FARP1: variants seen among roughly 807,000 people sequenced by gnomAD.
FARP1 encodes FERM, ARH/RhoGEF and pleckstrin domain protein 1.
Under a neutral mutation model 128.8 loss-of-function variants are expected in FARP1, and 52 were observed. The observed-to-expected ratio is 0.40, with a 90% CI of 0.32 to 0.51. The LOEUF (loss-of-function observed/expected upper bound fraction) is 0.51, where lower values mean the gene tolerates loss of function less well. FARP1 is among the 20% of genes least tolerant of loss of function. FARP1 has a pLI of 0.45. For synonymous variants in FARP1, 580 were observed against 551.8 expected, an observed-to-expected ratio of 1.05 and a Z score of -0.72; for missense variants, 1,333 against 1,367.9, an observed-to-expected ratio of 0.97 and a Z score of 0.40.
Position 98,453,060 on chromosome 13 carries a change from C to A in FARP1, c.*4743C>A. The A allele has an allele frequency of 2.4e-6, 3 of 1,268,022 alleles. No homozygotes were observed. Among genetic ancestry groups the A allele is most frequent in the Non-Finnish European group, 3.4e-6 (3 of 895,040 alleles). 78.5% of individuals were successfully genotyped at this position (1,268,022 alleles called of 1,614,324 possible). Reference sequence around the variant, plus strand: ...ACGGGCGCCTGGCGCTGGGGTGGCTCCCAGTGGCGCACCTCTTCGGTGGAG... The same window carrying A: ...ACGGGCGCCTGGCGCTGGGGTGGCTACCAGTGGCGCACCTCTTCGGTGGAG... On this transcript the variant is annotated 3_prime_UTR_variant, in exon 27 of 27. Transcript: ENST00000319562.
intron 3 of FARP1, among the ~76,000 whole-genome samples, chr13:98,351,079 C>G (rs1347333021): frequency 6.6e-6 from 1 of 150,538 alleles, no homozygotes; most frequent in East Asian, 1.9e-4. Context: ...CCTCGCCTCC[C>G]CACAGAAGCG....
At chr13:98,389,433 G>A (rs1890221535) in intron 9 of FARP1, 1 of 152,644 alleles carries the variant, frequency 6.6e-6, no homozygotes, top group African/African-American at 2.4e-5. Context: ...ATTTTTTTCA[G>A]CCAAGAGTGA....
chr13:98,176,192 A>C lies in FARP1; in HGVS notation c.-24+32700A>C, dbSNP rs751760297. The C allele has an allele frequency of 2.5e-6, 4 of 1,610,384 alleles. No individual in the cohort carries two copies. The African/African-American group carries it at 4.0e-5, about 16-fold the overall frequency. On this transcript the variant is annotated intron_variant, in intron 1 of 26. Coordinates refer to ENST00000319562, the MANE Select transcript of FARP1 (RefSeq NM_005766.4). The surrounding 1 kb of genome is among the most constrained non-coding windows in gnomAD (Gnocchi z 6.2). Reference sequence around the variant, plus strand: ...CTCTTTTTTCCTAAAAGAACAAAAAAATTTATTTAAATGTGAGAATTATGG... The same window carrying C: ...CTCTTTTTTCCTAAAAGAACAAAAACATTTATTTAAATGTGAGAATTATGG...
chr13:98,409,641 C>T (rs1891116128), intron 14 of FARP1, 116 bp downstream of exon 14: 1 of 891,184 alleles, frequency 1.1e-6, no homozygotes, highest in South Asian at 2.5e-5. Flanking sequence ...GAGCCATTTT[C>T]AAGTGTACAG....
intron 17 of FARP1, among the ~76,000 whole-genome samples, chr13:98,428,904 ACACACACATG>A (rs1302539691): frequency 1.3e-5 from 2 of 152,240 alleles, no homozygotes; most frequent in Non-Finnish European, 2.9e-5. Context: ...GCACAGAGCG[ACACACACATG>A]CACGCACATG....
chr13:98,192,216 T>G (rs1249705863), intron 1 of FARP1, among the ~76,000 whole-genome samples: 1 of 152,218 alleles, frequency 6.6e-6, no homozygotes, highest in Non-Finnish European at 1.5e-5. Flanking sequence ...TAACCTTTCT[T>G]TGCGTTTATA....
intron 2 of FARP1, among the ~76,000 whole-genome samples, chr13:98,293,587 A>T (rs1459635771): frequency 6.6e-6 from 1 of 152,198 alleles, no homozygotes; most frequent in African/African-American, 2.4e-5. Flanking sequence ...TGGCACAGGG[A>T]TACTGTCAAC....
rs180846795 is a variant in FARP1 at position 98,175,031 on chromosome 13, C to T, written c.-24+31539C>T. On this transcript the variant is annotated intron_variant, in intron 1 of 26. Coordinates refer to ENST00000319562, the MANE Select transcript of FARP1 (RefSeq NM_005766.4). ...TCACGTGGAAAGTTTTGCCGAAGTT[C>T]GCTCTGCCGCAGTTGCTTGCATAGC... Among the ~76,000 whole-genome samples, 452 of 152,226 alleles carry T rather than the reference C, an allele frequency of 3.0e-3. 1 individual carries two copies. The highest frequency in any genetic ancestry group is 5.5e-3 in the Non-Finnish European group (377 of 68,016).
At chr13:98,375,928 T>C (rs1246561961) in intron 5 of FARP1, among the ~76,000 whole-genome samples, 2 of 152,014 alleles carry the variant, frequency 1.3e-5, no homozygotes, top group African/African-American at 4.8e-5. Context: ...CAACAGGTAA[T>C]TGTAAGAGGG....
At chr13:98,186,637 G>A (rs1268004588) in intron 1 of FARP1, among the ~76,000 whole-genome samples, 5 of 152,214 alleles carry the variant, frequency 3.3e-5, no homozygotes, top group Middle Eastern at 3.4e-3. Flanking sequence ...TCCATTGTAT[G>A]TATATCCCAT....
chr13:98,446,372 G>C (rs993445367), intron 25 of FARP1, 167 bp downstream of exon 25: 1 of 606,886 alleles, frequency 1.6e-6, no homozygotes, highest in Non-Finnish European at 2.9e-6. Flanking sequence ...CTCAACTCTA[G>C]GGAAGACTGA....
chr13:98,195,469 A>G (rs1879511736), intron 1 of FARP1, among the ~76,000 whole-genome samples: 1 of 152,028 alleles, frequency 6.6e-6, no homozygotes. Flanking sequence ...TTTAAACTAT[A>G]TTTATTTAAG....
intron 2 of FARP1, among the ~76,000 whole-genome samples, chr13:98,238,710 A>C (rs1023765158): frequency 2.0e-5 from 3 of 152,190 alleles, no homozygotes; most frequent in African/African-American, 7.2e-5. Flanking sequence ...GTTACCTCCC[A>C]CCAAGTCCTT....
intron 1 of FARP1, among the ~76,000 whole-genome samples, chr13:98,178,877 A>G (rs1404368211): frequency 7.2e-5 from 11 of 152,214 alleles, no homozygotes; most frequent in Admixed American, 1.3e-4. Flanking sequence ...TTATCATCCC[A>G]TCTTTCATGT....
At chr13:98,229,716 C>G (rs1440208711) in intron 2 of FARP1, among the ~76,000 whole-genome samples, 1 of 142,506 alleles carries the variant, frequency 7.0e-6, no homozygotes, top group Non-Finnish European at 1.5e-5. Context: ...AAGATGGCAT[C>G]TTGCTTTGTT....
chr13:98,314,439 C>G (rs1886635154), intron 2 of FARP1, among the ~76,000 whole-genome samples: 1 of 151,866 alleles, frequency 6.6e-6, no homozygotes, highest in South Asian at 2.1e-4. Context: ...GCCACCATGC[C>G]CAGCTAATTT....
At chr13:98,396,090 C>G (rs1396691222) in intron 13 of FARP1, 1 of 399,006 alleles carries the variant, frequency 2.5e-6, no homozygotes, top group Non-Finnish European at 4.4e-6. Context: ...ATCCACTCAT[C>G]CTTAGCCAGG....
intron 6 of FARP1, among the ~76,000 whole-genome samples, chr13:98,379,217 ATATAATC>A (rs1434921024): frequency 2.3e-4 from 29 of 124,128 alleles, no homozygotes; most frequent in Non-Finnish European, 3.0e-4. Flanking sequence ...AATATATAAT[ATATAATC>A]TATCTATATA....
chr13:98,321,627 G>A (rs1428962748), intron 2 of FARP1, among the ~76,000 whole-genome samples: 2 of 152,178 alleles, frequency 1.3e-5, no homozygotes, highest in African/African-American at 2.4e-5. Flanking sequence ...AGAGACAGAA[G>A]GCTCTGTGAC....
Sources: gnomAD v4.1 joint callset for allele counts (sites outside exome capture counted in the v4.1 genomes callset) on GRCh38, gnomAD v4.1.1 for gene constraint, Gnocchi (gnomAD v3.1) non-coding constraint, MANE v1.5 for transcripts, NCBI Gene and HGNC (gene_info 2026-07-23, HGNC 2026-07-21) for gene names.